The following TECRL variants were observed in gnomAD, a reference collection of about 807,000 sequenced individuals.
The protein encoded by TECRL is trans-2,3-enoyl-CoA reductase like.
TECRL carries 63 observed loss-of-function variants against 52.8 expected under a neutral mutation model. That is an observed-to-expected ratio of 1.19 (90% CI 0.97 to 1.47). The LOEUF is 1.47. TECRL is among the 40% of genes most tolerant of loss of function. TECRL has a pLI of 0.00. For synonymous variants in TECRL, 164 were observed against 141.9 expected (o/e 1.16, Z -1.10); for missense variants, 482 against 429.6 (o/e 1.12, Z -1.08).
chr4:64,387,686 A>G (rs1723273378), intron 1 of TECRL, among the ~76,000 whole-genome samples: 1 of 151,948 alleles, frequency 6.6e-6, no homozygotes, highest in Non-Finnish European at 1.5e-5. Flanking sequence ...CGCCATTTGT[A>G]TATCTTTTCT....
rs4034911 is a variant in TECRL, at chr4:64,379,247, T to TAC, written c.235-4026_235-4025dup. 5.4e-3 allele frequency among the ~76,000 whole-genome samples: 779 copies of TAC among 145,406 alleles called. 1 individual carries two copies. Among genetic ancestry groups the TAC allele is most frequent in the Middle Eastern group, 0.017 (5 of 288 alleles). ...ATTTATGCAAACACACACACACACA[T>TAC]ACACACACACACACACACACACACA... On this transcript the variant is annotated intron_variant, in intron 1 of 11. Transcript: ENST00000381210.
At chr4:64,309,759 A>C (rs1252781736) in intron 6 of TECRL, 67 bp downstream of exon 6, 2 of 1,024,636 alleles carry the variant, frequency 2.0e-6, no homozygotes, top group Admixed American at 4.0e-5. Context: ...ACAATGATTA[A>C]ATATTTTGCA....
rs774819032 is a variant in TECRL at position 64,299,970 on chromosome 4, A to G, written c.774+4T>C. The G allele has an allele frequency of 1.0e-5, 16 of 1,569,700 alleles. No individual in the cohort carries two copies. The Admixed American group carries it at 2.5e-4, about 24-fold the overall frequency. On this transcript the variant is annotated splice_donor_region_variant and intron_variant, in intron 8 of 11. Coordinates refer to ENST00000381210, the MANE Select transcript of TECRL (RefSeq NM_001010874.5). ...GAATAGCAAAATATATATATGATAC[A>G]TACCAGAAAATTGATAGCAGATACT...
At chr4:64,358,716 C>G (rs1720961700) in intron 2 of TECRL, among the ~76,000 whole-genome samples, 1 of 151,676 alleles carries the variant, frequency 6.6e-6, no homozygotes, top group Admixed American at 6.6e-5. Flanking sequence ...CCCAACATAA[C>G]ATACACAAAT....
intron 2 of TECRL, among the ~76,000 whole-genome samples, chr4:64,329,540 G>A (rs1718487540): frequency 6.6e-6 from 1 of 151,744 alleles, no homozygotes; most frequent in Non-Finnish European, 1.5e-5. Flanking sequence ...TATATTGTAT[G>A]TTTTACCTTC....
Position 64,333,305 on chromosome 4 carries a change from A to C in TECRL, c.287-4749T>G, listed in dbSNP as rs376756254. 2.0e-5 allele frequency among the ~76,000 whole-genome samples: 3 copies of C among 152,120 alleles called. No homozygotes were observed. The South Asian group carries it at 6.2e-4, about 32-fold the overall frequency. On this transcript the variant is annotated intron_variant, in intron 2 of 11. Coordinates refer to ENST00000381210, the MANE Select transcript of TECRL (RefSeq NM_001010874.5). ...CTTTTAAATGAAACACTATTGAAAG[A>C]AAATGTAAAATAAGGACAAGTTTAA...
intron 7 of TECRL, among the ~76,000 whole-genome samples, chr4:64,300,792 T>C (rs145747544): frequency 6.4e-4 from 96 of 151,104 alleles, no homozygotes; most frequent in Non-Finnish European, 1.1e-3. Context: ...CCTAACAATA[T>C]ATTTAAAGAT....
intron 8 of TECRL, among the ~76,000 whole-genome samples, chr4:64,294,135 T>C (rs748029704): frequency 1.4e-4 from 21 of 151,530 alleles, no homozygotes; most frequent in African/African-American, 4.4e-4. Flanking sequence ...TACAGGTGCA[T>C]GCCACCACGC....
Position 64,309,918 on chromosome 4 carries a change from A to T in TECRL, c.565T>A (p.Cys189Ser). 6.3e-7 allele frequency: 1 copy of T among 1,595,464 alleles called. No homozygotes were observed. Among genetic ancestry groups the T allele is most frequent in the East Asian group, 2.3e-5 (1 of 44,366 alleles). Residue 189 changes from cysteine to serine, a missense_variant, in exon 6 of 12, where the codon TGT becomes AGT. Cys to Ser is a moderately radical substitution (Grantham distance 112). Transcript: ENST00000381210. ...RHPVVHLACF[C>S]HCIHYIRYLL... Reference sequence around the variant, plus strand: ...TATCGGATGTAGTGTATACAATGACAGAAGCAAGCCAAGCTGGAAAAAAAA... The same window carrying T: ...TATCGGATGTAGTGTATACAATGACTGAAGCAAGCCAAGCTGGAAAAAAAA...
intron 8 of TECRL, among the ~76,000 whole-genome samples, chr4:64,294,437 A>T (rs1167181885): frequency 6.6e-6 from 1 of 152,150 alleles, no homozygotes; most frequent in Admixed American, 6.6e-5. Flanking sequence ...CTGAAAGAAA[A>T]TAGGTTATGA....
intron 2 of TECRL, among the ~76,000 whole-genome samples, chr4:64,330,068 A>T (rs1233345774): frequency 6.6e-6 from 1 of 151,926 alleles, no homozygotes; most frequent in African/African-American, 2.4e-5. Context: ...AGAAAAAATC[A>T]GAGAAACATC....
chr4:64,299,760 C>G (rs192229433), intron 8 of TECRL, among the ~76,000 whole-genome samples: 1 of 150,604 alleles, frequency 6.6e-6, no homozygotes, highest in Non-Finnish European at 1.5e-5. Flanking sequence ...TTCTAATCAA[C>G]CTTTAGAGAT....
intron 2 of TECRL, among the ~76,000 whole-genome samples, chr4:64,371,739 C>T (rs140770664): frequency 6.6e-6 from 1 of 151,872 alleles, no homozygotes; most frequent in African/African-American, 2.4e-5. Context: ...TCCCGTCATG[C>T]TTATTGAAGT....
At chr4:64,357,394 T>A (rs1012624649) in intron 2 of TECRL, among the ~76,000 whole-genome samples, 2 of 151,602 alleles carry the variant, frequency 1.3e-5, no homozygotes, top group Non-Finnish European at 3.0e-5. Context: ...ATAGAAGAGA[T>A]GTCAAGAAGT....
At chr4:64,305,369 C>T (rs1359096537) in intron 6 of TECRL, 131 bp from the exon 7 acceptor site, 2 of 676,212 alleles carry the variant, frequency 3.0e-6, no homozygotes, top group Non-Finnish European at 5.0e-6. Flanking sequence ...GACACTGCAG[C>T]ATTTATATGT....
intron 1 of TECRL, among the ~76,000 whole-genome samples, chr4:64,403,269 C>T (rs766754687): frequency 1.4e-4 from 21 of 151,976 alleles, no homozygotes; most frequent in Non-Finnish European, 2.9e-4. Flanking sequence ...TCCAAATCAA[C>T]ATATTTAACC....
chr4:64,315,482 T>C (rs1368241583), intron 4 of TECRL, among the ~76,000 whole-genome samples: 3 of 152,124 alleles, frequency 2.0e-5, no homozygotes, highest in Non-Finnish European at 4.4e-5. Flanking sequence ...TCATGTTAAA[T>C]TTCCTCTGAA....
At chr4:64,287,516 T>C (rs750950571) in intron 9 of TECRL, among the ~76,000 whole-genome samples, 7 of 152,132 alleles carry the variant, frequency 4.6e-5, no homozygotes, top group Non-Finnish European at 1.0e-4. Context: ...ATATATTATA[T>C]AGGGTTAGCA....
chr4:64,371,973 GT>G (rs1196175861), intron 2 of TECRL, among the ~76,000 whole-genome samples: 3 of 151,764 alleles, frequency 2.0e-5, no homozygotes, highest in African/African-American at 7.2e-5. Flanking sequence ...GAGACACACA[GT>G]AGTTTTTAAA....
Sources: allele counts gnomAD v4.1 joint callset (sites outside exome capture counted in the v4.1 genomes callset), GRCh38; gene constraint gnomAD v4.1.1; transcripts MANE v1.5; gene names NCBI Gene and HGNC (gene_info 2026-07-23, HGNC 2026-07-21).